FHL5: variants seen among roughly 807,000 people sequenced by gnomAD.
The protein encoded by FHL5 is four and a half LIM domains protein 5.
In FHL5, 33 loss-of-function variants were observed where a neutral mutation model predicts 32.0. That is an observed-to-expected ratio of 1.03 (90% CI 0.78 to 1.38). The LOEUF (loss-of-function observed/expected upper bound fraction) is 1.38. Among genes scored for constraint, FHL5 ranks in the 40% most tolerant of loss-of-function variants. The probability of loss-of-function intolerance (pLI) is 0.00; values close to 1 mark genes in which losing one functional copy is unlikely to be tolerated. For synonymous variants in FHL5, 114 were observed against 113.6 expected (o/e 1.00, Z -0.02); for missense variants, 336 against 343.9 (o/e 0.98, Z 0.18).
At chr6:96,587,204 G>C (rs879606375) in intron 1 of FHL5, among the ~76,000 whole-genome samples, 3 of 148,706 alleles carry the variant, frequency 2.0e-5, no homozygotes, top group Non-Finnish European at 4.4e-5. Flanking sequence ...ATCTTCACCA[G>C]AGAGTTCTTC....
Position 96,584,329 on chromosome 6 carries a change from A to G in FHL5, c.-12-19273A>G, listed in dbSNP as rs149821341. On this transcript the variant is annotated intron_variant, in intron 1 of 5. Transcript: ENST00000450218. ...GTAGATGGGGAGCAAAGAGAAGTAC[A>G]TTAGAAATAGAAGAGGAGTCATGTG... Among the ~76,000 whole-genome samples, 471 of 152,288 alleles carry G rather than the reference A, an allele frequency of 3.1e-3. 2 individuals carry two copies. Among genetic ancestry groups the G allele is most frequent in the Admixed American group, 8.6e-3 (132 of 15,282 alleles).
intron 1 of FHL5, among the ~76,000 whole-genome samples, chr6:96,601,232 G>A (rs780762396): frequency 6.6e-6 from 1 of 152,180 alleles, no homozygotes; most frequent in South Asian, 2.1e-4. Flanking sequence ...TACTCAGGAG[G>A]CTGAGGCAGG....
intron 1 of FHL5, among the ~76,000 whole-genome samples, chr6:96,569,093 C>T (rs938280169): frequency 6.6e-6 from 1 of 151,798 alleles, no homozygotes; most frequent in South Asian, 2.1e-4. Context: ...TGCACACTTA[C>T]CTTCTAATAC....
chr6:96,584,558 C>T (rs537687120), intron 1 of FHL5, among the ~76,000 whole-genome samples: 1 of 151,704 alleles, frequency 6.6e-6, no homozygotes, highest in South Asian at 2.1e-4. Flanking sequence ...AATCAAAGAT[C>T]TCTATGCTAA....
At chr6:96,598,548 G>T (rs780382241) in intron 1 of FHL5, among the ~76,000 whole-genome samples, 9 of 152,110 alleles carry the variant, frequency 5.9e-5, no homozygotes, top group Non-Finnish European at 1.3e-4. Flanking sequence ...CTTCTTTAAG[G>T]GGGTGGCTTT....
At chr6:96,572,880 C>T (rs1770508916) in intron 1 of FHL5, among the ~76,000 whole-genome samples, 1 of 152,174 alleles carries the variant, frequency 6.6e-6, no homozygotes. Context: ...ATGTAGCCAT[C>T]CTGAGTTTTT....
intron 1 of FHL5, among the ~76,000 whole-genome samples, chr6:96,584,794 C>T (rs1770765873): frequency 6.6e-6 from 1 of 151,996 alleles, no homozygotes; most frequent in African/African-American, 2.4e-5. Context: ...CAATGTAAGC[C>T]AATATGGTCC....
rs1428256441 is a variant in FHL5, at chr6:96,615,876, G to A, written c.*104G>A. 3.0e-6 allele frequency: 3 copies of A among 984,094 alleles called. No individual in the cohort carries two copies. Among genetic ancestry groups the A allele is most frequent in the East Asian group, 5.4e-5 (2 of 37,242 alleles). 61.0% of individuals were successfully genotyped at this position (984,094 alleles called of 1,614,324 possible). ...GACTTAAGTTTTAGAAAATATTCAT[G>A]TAGTTTAGAGTGGAAAAGTTTTTGC... On this transcript the variant is annotated 3_prime_UTR_variant, in exon 6 of 6. Coordinates refer to ENST00000450218, the MANE Select transcript of FHL5 (RefSeq NM_001322466.2).
intron 2 of FHL5, among the ~76,000 whole-genome samples, 191 bp downstream of exon 2, chr6:96,603,963 T>A (rs2127972477): frequency 6.6e-6 from 1 of 152,348 alleles, no homozygotes; most frequent in Middle Eastern, 3.4e-3. Context: ...ATATGCTTAA[T>A]CCTCACATGA....
intron 1 of FHL5, among the ~76,000 whole-genome samples, chr6:96,577,397 A>G (rs571062464): frequency 8.5e-5 from 13 of 152,086 alleles, no homozygotes; most frequent in African/African-American, 2.9e-4. Context: ...CACAGTACAC[A>G]TTCTCACAAA....
chr6:96,616,241 T>C lies in FHL5; in HGVS notation c.*469T>C, dbSNP rs1374858470. ...AACAAAACTGATCAGAGTAAATTCA[T>C]TAGCAATTATCACATTTAAGAATTG... is the stretch of plus-strand genomic sequence containing the variant. On this transcript the variant is annotated 3_prime_UTR_variant, in exon 6 of 6. Transcript: ENST00000450218. The C allele has an allele frequency of 6.6e-6, 1 of 152,292 alleles. No homozygotes were observed. Among genetic ancestry groups the C allele is most frequent in the Admixed American group, 6.5e-5 (1 of 15,278 alleles). The allele number at this position is 152,292 out of a possible 1,614,324, so 9.4% of individuals were successfully genotyped here.
chr6:96,563,949 T>C (rs1019152028), intron 1 of FHL5, among the ~76,000 whole-genome samples: 2 of 152,166 alleles, frequency 1.3e-5, no homozygotes, highest in Non-Finnish European at 2.9e-5. Flanking sequence ...CAGAAATATA[T>C]AATAGACTAT....
chr6:96,587,870 G>A (rs1770831067), intron 1 of FHL5, among the ~76,000 whole-genome samples: 1 of 151,954 alleles, frequency 6.6e-6, no homozygotes, highest in Non-Finnish European at 1.5e-5. Flanking sequence ...ACTCAATATT[G>A]TAAAGTTCTT....
chr6:96,615,914 C>T lies in FHL5; in HGVS notation c.*142C>T, dbSNP rs143868881. 8.2e-6 allele frequency: 5 copies of T among 610,902 alleles called. No homozygotes were observed. Among genetic ancestry groups the T allele is most frequent in the Admixed American group, 3.4e-5 (1 of 29,400 alleles). 37.8% of individuals were successfully genotyped at this position (610,902 alleles called of 1,614,324 possible). A position where few individuals can be genotyped will look rare whatever the true frequency, so the allele number is the denominator to read the frequency against. On this transcript the variant is annotated 3_prime_UTR_variant, in exon 6 of 6. Transcript: ENST00000450218. Reference sequence around the variant, plus strand: ...GAAAAGTTTTTGCACACATTTTGATCGAACTATATTCTAAGCACACAAAAA... The same window carrying T: ...GAAAAGTTTTTGCACACATTTTGATTGAACTATATTCTAAGCACACAAAAA...
chr6:96,568,668 C>T (rs961907437), intron 1 of FHL5, among the ~76,000 whole-genome samples: 2 of 151,908 alleles, frequency 1.3e-5, no homozygotes, highest in African/African-American at 4.8e-5. Context: ...CAGGTGTTCT[C>T]TTTCTTGTTG....
intron 1 of FHL5, among the ~76,000 whole-genome samples, chr6:96,594,263 ATATATATATATG>A (rs1440021341): frequency 5.1e-5 from 4 of 78,870 alleles, no homozygotes; most frequent in East Asian, 2.8e-4. Flanking sequence ...ATATATATAT[ATATATATATATG>A]TATGTATGTA....
rs11153085 is a variant in FHL5 at position 96,618,479 on chromosome 6, A to T, written c.*2707A>T. On this transcript the variant is annotated 3_prime_UTR_variant, in exon 6 of 6. Coordinates refer to ENST00000450218, the MANE Select transcript of FHL5 (RefSeq NM_001322466.2). ...GGCCATAGAAAGTTACCAACTGTTC[A>T]TAAGTAAAGGAAGAAAATAATTATT... Among the ~76,000 whole-genome samples, 59,742 of 152,138 alleles carry T rather than the reference A, an allele frequency of 0.39. 12,479 individuals carry two copies. Among genetic ancestry groups the T allele is most frequent in the African/African-American group, 0.55 (22,652 of 41,494 alleles).
chr6:96,601,735 G>T, intron 1 of FHL5, among the ~76,000 whole-genome samples: 1 of 152,316 alleles, frequency 6.6e-6, no homozygotes, highest in East Asian at 1.9e-4. Context: ...TAAGTGAAGA[G>T]AGTTAAAGGT....
chr6:96,606,171 T>C, intron 4 of FHL5, 100 bp downstream of exon 4: 2 of 959,266 alleles, frequency 2.1e-6, no homozygotes, highest in Non-Finnish European at 3.1e-6. Context: ...GTTATATCTG[T>C]AATCAACACA....
Sources: allele counts gnomAD v4.1 joint callset (sites outside exome capture counted in the v4.1 genomes callset), GRCh38; gene constraint gnomAD v4.1.1; transcripts MANE v1.5; gene names NCBI Gene and HGNC (gene_info 2026-07-23, HGNC 2026-07-21).